Variants in OXR1 observed in about 807,000 individuals in gnomAD.
OXR1 encodes the protein oxidation resistance 1.
Under a neutral mutation model 104.6 loss-of-function variants are expected in OXR1, and 41 were observed. The ratio of observed to expected loss-of-function variants is 0.39; its 90% CI spans 0.31 to 0.51. The LOEUF is 0.51. OXR1 is among the 20% of genes least tolerant of loss of function. OXR1 has a pLI of 0.77. For synonymous variants in OXR1, 348 were observed against 348.4 expected (o/e 1.00, Z 0.01); for missense variants, 955 against 1,031.9 (o/e 0.93, Z 1.02).
chr8:106,642,763 G>T (rs1352472210), intron 3 of OXR1, among the ~76,000 whole-genome samples: 1 of 152,202 alleles, frequency 6.6e-6, no homozygotes, highest in Non-Finnish European at 1.5e-5. Flanking sequence ...TAGGCGAATA[G>T]CCCGAATTTT....
At chr8:106,648,930 C>T (rs982381689) in intron 3 of OXR1, among the ~76,000 whole-genome samples, 2 of 152,168 alleles carry the variant, frequency 1.3e-5, no homozygotes, top group African/African-American at 4.8e-5. Flanking sequence ...ATTGGCCAGG[C>T]ATCTTGGCTC....
intron 2 of OXR1, among the ~76,000 whole-genome samples, chr8:106,442,157 A>T (rs1819812394): frequency 6.6e-6 from 1 of 152,206 alleles, no homozygotes; most frequent in South Asian, 2.1e-4. Flanking sequence ...CTTTTTCTGC[A>T]TCTATTGAGA....
intron 3 of OXR1, among the ~76,000 whole-genome samples, chr8:106,579,208 TA>T (rs1422131720): frequency 1.3e-5 from 2 of 152,156 alleles, no homozygotes; most frequent in Non-Finnish European, 2.9e-5. Flanking sequence ...TGTAATTCCC[TA>T]TTTATGGCTG....
At chr8:106,293,593 T>G (rs945250831) in intron 1 of OXR1, among the ~76,000 whole-genome samples, 1 of 152,238 alleles carries the variant, frequency 6.6e-6, no homozygotes, top group African/African-American at 2.4e-5. Flanking sequence ...TATCTGAGAC[T>G]GGATAATTTA....
chr8:106,737,086 A>C (rs1834445893), intron 11 of OXR1, among the ~76,000 whole-genome samples: 1 of 152,148 alleles, frequency 6.6e-6, no homozygotes. Flanking sequence ...AAATTCTTCC[A>C]GCATGGCCAT....
chr8:106,371,457 G>T (rs1181747800), intron 2 of OXR1, among the ~76,000 whole-genome samples: 11 of 152,092 alleles, frequency 7.2e-5, no homozygotes, highest in Non-Finnish European at 7.4e-5. Context: ...GTTTGCTCTT[G>T]CCTCTCTAGC....
chr8:106,700,135 A>C (rs1676419), intron 7 of OXR1, among the ~76,000 whole-genome samples: 20,086 of 152,198 alleles, frequency 0.13, 1,608 homozygotes, highest in Non-Finnish European at 0.18. Context: ...GTTAATACAA[A>C]AGAATAATCT....
intron 3 of OXR1, among the ~76,000 whole-genome samples, chr8:106,530,588 G>C (rs188174536): frequency 3.9e-5 from 6 of 152,220 alleles, no homozygotes; most frequent in African/African-American, 1.4e-4. Context: ...AGACACAACT[G>C]GGGGGAGAAT....
chr8:106,547,282 C>G (rs1815433582), intron 3 of OXR1, among the ~76,000 whole-genome samples: 1 of 152,164 alleles, frequency 6.6e-6, no homozygotes, highest in Admixed American at 6.5e-5. Flanking sequence ...AAAATTGAAA[C>G]TTTGTGCCCA....
intron 2 of OXR1, among the ~76,000 whole-genome samples, chr8:106,432,823 T>G (rs1373289244): frequency 2.0e-5 from 3 of 152,132 alleles, no homozygotes; most frequent in African/African-American, 7.2e-5. Flanking sequence ...ATAACTGACA[T>G]AAAGTAGGTG....
At chr8:106,544,194 G>GCTTTTT (rs1383571899) in intron 3 of OXR1, among the ~76,000 whole-genome samples, 1 of 150,286 alleles carries the variant, frequency 6.7e-6, no homozygotes, top group East Asian at 1.9e-4. Flanking sequence ...GAAAGGATAA[G>GCTTTTT]CTTTTTCTTT....
At chr8:106,361,808 T>C (rs1419996496) in intron 2 of OXR1, among the ~76,000 whole-genome samples, 2 of 152,136 alleles carry the variant, frequency 1.3e-5, no homozygotes, top group Non-Finnish European at 2.9e-5. Flanking sequence ...TTGACTGATA[T>C]GGGAAAATTA....
intron 3 of OXR1, among the ~76,000 whole-genome samples, chr8:106,591,129 C>G (rs958120777): frequency 1.3e-4 from 20 of 151,586 alleles, no homozygotes; most frequent in Non-Finnish European, 2.5e-4. Context: ...GAGTTCTTGT[C>G]CTTTGTAGGG....
At chr8:106,456,104 C>A (rs546583361) in intron 2 of OXR1, among the ~76,000 whole-genome samples, 1 of 152,042 alleles carries the variant, frequency 6.6e-6, no homozygotes, top group South Asian at 2.1e-4. Flanking sequence ...TGCTTTCCAG[C>A]GGAAATGATC....
intron 2 of OXR1, among the ~76,000 whole-genome samples, chr8:106,382,682 GTTTTTTTTT>G (rs35296978): frequency 1.2e-5 from 1 of 86,190 alleles, no homozygotes; most frequent in Non-Finnish European, 2.2e-5. Flanking sequence ...AGAACTATAG[GTTTTTTTTT>G]TTTTTTTTTT....
chr8:106,568,234 T>C (rs1351069567), intron 3 of OXR1, among the ~76,000 whole-genome samples: 1 of 152,174 alleles, frequency 6.6e-6, no homozygotes, highest in African/African-American at 2.4e-5. Flanking sequence ...CACCTTTGCC[T>C]GAGCTACTTC....
intron 2 of OXR1, among the ~76,000 whole-genome samples, chr8:106,418,120 T>A (rs1818755485): frequency 6.6e-6 from 1 of 152,068 alleles, no homozygotes. Context: ...TGTATAGAAT[T>A]TTATTAAAAG....
intron 1 of OXR1, among the ~76,000 whole-genome samples, chr8:106,351,104 C>T (rs760692143): frequency 1.3e-5 from 2 of 152,076 alleles, no homozygotes; most frequent in African/African-American, 4.8e-5. Context: ...TTTTGATAGT[C>T]TAAAAGGAAA....
chr8:106,720,544 C>A, intron 11 of OXR1: 1 of 158,290 alleles, frequency 6.3e-6, no homozygotes, highest in Non-Finnish European at 1.4e-5. Context: ...GCATCAAAAA[C>A]ATAAATTTGG....
Sources: gnomAD v4.1 joint callset for allele counts (sites outside exome capture counted in the v4.1 genomes callset) on GRCh38, gnomAD v4.1.1 for gene constraint, MANE v1.5 for transcripts, NCBI Gene and HGNC (gene_info 2026-07-23, HGNC 2026-07-21) for gene names.